The following DYRK1A variants were observed in gnomAD, a reference collection of about 807,000 sequenced individuals.
DYRK1A encodes the protein dual specificity tyrosine-phosphorylation-regulated kinase 1A.
A neutral mutation model predicts 79.7 loss-of-function variants in DYRK1A; 9 were observed. That is an observed-to-expected ratio of 0.11 (90% CI 0.07 to 0.20). DYRK1A has a LOEUF of 0.20. Among genes scored for constraint, DYRK1A ranks in the 10% least tolerant of loss-of-function variants. The probability of loss-of-function intolerance (pLI) is 1.00; values close to 1 mark genes in which losing one functional copy is unlikely to be tolerated. For missense variants in DYRK1A, 622 were observed against 956.0 expected (o/e 0.65, Z 4.61); for synonymous variants, 349 against 329.7 (o/e 1.06, Z -0.63).
At chr21:37,500,340 A>G (rs945640491) in intron 9 of DYRK1A, among the ~76,000 whole-genome samples, 1 of 152,176 alleles carries the variant, frequency 6.6e-6, no homozygotes, top group Non-Finnish European at 1.5e-5. Context: ...TTGATATACT[A>G]TTCCCTTATA....
chr21:37,505,492 T>A lies in DYRK1A; in HGVS notation c.1422T>A (p.Ala474=). 1 of 1,614,106 alleles carries A rather than the reference T, an allele frequency of 6.2e-7. No individual in the cohort carries two copies. Among genetic ancestry groups the A allele is most frequent in the Non-Finnish European group, 8.5e-7 (1 of 1,180,038 alleles). ...AGCACAGTTTCTTCAAGAAAACAGC[T>A]GATGAAGGTACAAATACAAGTAATA... ...ALQHSFFKKT[A]DEGTNTSNSV... is the part of the protein sequence containing the mutation. The change falls in exon 10 of 12, where the codon GCT becomes GCA. Residue 474 remains alanine, a synonymous_variant. Coordinates refer to ENST00000647188, the MANE Select transcript of DYRK1A (RefSeq NM_001347721.2).
chr21:37,411,239 C>T (rs544744731), intron 1 of DYRK1A, among the ~76,000 whole-genome samples: 1 of 151,608 alleles, frequency 6.6e-6, no homozygotes, highest in Admixed American at 6.6e-5. Flanking sequence ...GCATATAATC[C>T]CAGCTACTCA....
chr21:37,504,094 C>G (rs759078880), intron 9 of DYRK1A: 1 of 152,230 alleles, frequency 6.6e-6, no homozygotes, highest in Non-Finnish European at 1.5e-5. Context: ...TGTAGCTTAG[C>G]TGACTCTGGG....
At chr21:37,383,292 C>T (rs922163321) in intron 1 of DYRK1A, among the ~76,000 whole-genome samples, 2 of 152,222 alleles carry the variant, frequency 1.3e-5, no homozygotes, top group Admixed American at 6.5e-5. Flanking sequence ...GTATAAGTTG[C>T]AGTGACTGAG....
At position 37,434,808 on chromosome 21, in the gene DYRK1A, A is replaced by C. The variant is rs2050877269; in HGVS notation, c.10+14424A>C. ...ACTTCAGTGAGCCACGCTTTCTGTT[A>C]TGCCCACCTCTTTAGTCTTTCCATT... On this transcript the variant is annotated intron_variant, in intron 2 of 11. Coordinates refer to ENST00000647188, the MANE Select transcript of DYRK1A (RefSeq NM_001347721.2). Among the ~76,000 whole-genome samples the C allele has an allele frequency of 2.0e-5, 3 of 152,194 alleles. No individual in the cohort carries two copies. In the South Asian group the frequency reaches 6.2e-4, roughly 31 times the overall value.
intron 2 of DYRK1A, among the ~76,000 whole-genome samples, chr21:37,461,683 T>C (rs951281292): frequency 1.3e-5 from 2 of 152,166 alleles, no homozygotes; most frequent in African/African-American, 2.4e-5. Flanking sequence ...ATTTTCATCA[T>C]TTAAAGATGT....
intron 9 of DYRK1A, chr21:37,503,502 G>T (rs2148645499): frequency 6.6e-6 from 1 of 152,246 alleles, no homozygotes; most frequent in South Asian, 2.1e-4. Flanking sequence ...GCTGATTACA[G>T]CCTTGACTTC....
At chr21:37,369,394 A>G (rs2049384563) in intron 1 of DYRK1A, among the ~76,000 whole-genome samples, 1 of 152,238 alleles carries the variant, frequency 6.6e-6, no homozygotes, top group Non-Finnish European at 1.5e-5. Flanking sequence ...CTGGTTATGA[A>G]AAAAGCTTAC....
chr21:37,404,187 G>A (rs2050108593), intron 1 of DYRK1A, among the ~76,000 whole-genome samples: 1 of 152,200 alleles, frequency 6.6e-6, no homozygotes, highest in Non-Finnish European at 1.5e-5. Context: ...ATAAATTGAT[G>A]TAAGGAATTG....
At chr21:37,366,482 C>G (rs1389962813), upstream of DYRK1A, among the ~76,000 whole-genome samples, 21 of 149,350 alleles carry the variant, frequency 1.4e-4, no homozygotes, top group Admixed American at 1.4e-3. Context: ...CCCCCCCTTC[C>G]CCAGCCCCTA....
chr21:37,419,775 A>T (rs2835729), intron 1 of DYRK1A: 29,010 of 152,146 alleles, frequency 0.19, 3,009 homozygotes, highest in East Asian at 0.36. Context: ...AATAAGAGAA[A>T]CCACTTGGAG....
chr21:37,486,432 TAATG>T, intron 5 of DYRK1A, 31 bp from the exon 6 acceptor site: 31 of 1,403,522 alleles, frequency 2.2e-5, no homozygotes, highest in Non-Finnish European at 2.9e-5. Flanking sequence ...TTTTTGCAAT[TAATG>T]AAATAGAGAA....
At chr21:37,415,181 G>C (rs1426347419) in intron 1 of DYRK1A, among the ~76,000 whole-genome samples, 1 of 152,146 alleles carries the variant, frequency 6.6e-6, no homozygotes, top group Non-Finnish European at 1.5e-5. Flanking sequence ...TGATGGTTGA[G>C]ATAGCCAAAA....
intron 1 of DYRK1A, among the ~76,000 whole-genome samples, chr21:37,369,273 A>G (rs2049381993): frequency 6.6e-6 from 1 of 152,202 alleles, no homozygotes. Context: ...TCATGTCTTG[A>G]TCAGTTACTT....
chr21:37,506,132 C>G lies in DYRK1A; in HGVS notation c.1553C>G (p.Ala518Gly), dbSNP rs144436209. The change falls in exon 11 of 12, where the codon GCC (alanine) becomes GGC (glycine). Residue 518 changes from alanine (A) to glycine (G), a missense_variant. Physicochemically the swap from Ala to Gly is moderately conservative, Grantham distance 60. Transcript: ENST00000647188. ...GSSGTSNSGR[A>G]RSDPTHQHRH... Reference sequence around the variant, plus strand: ...TCGGGGACAAGCAACAGTGGGAGAGCCCGGTCGGATCCGACGCACCAGCAT... The same window carrying G: ...TCGGGGACAAGCAACAGTGGGAGAGGCCGGTCGGATCCGACGCACCAGCAT... 3.1e-6 allele frequency: 5 copies of G among 1,613,726 alleles called. No homozygotes were observed. The highest frequency in any genetic ancestry group is 8.5e-7 in the Non-Finnish European group (1 of 1,179,666).
At chr21:37,377,163 A>G (rs1379493187) in intron 1 of DYRK1A, among the ~76,000 whole-genome samples, 1 of 152,166 alleles carries the variant, frequency 6.6e-6, no homozygotes, top group African/African-American at 2.4e-5. Context: ...TCTTTCCCCA[A>G]GGCTGGAGTG....
chr21:37,387,262 A>G (rs2148380116), intron 1 of DYRK1A, among the ~76,000 whole-genome samples: 1 of 152,288 alleles, frequency 6.6e-6, no homozygotes, highest in South Asian at 2.1e-4. Context: ...CACCTATCAC[A>G]CTTTTTTCTT....
chr21:37,372,469 G>A (rs1310840623), intron 1 of DYRK1A, among the ~76,000 whole-genome samples: 1 of 149,750 alleles, frequency 6.7e-6, no homozygotes, highest in Non-Finnish European at 1.5e-5. Context: ...AAAAAGGTTT[G>A]AACTGTGACA....
At chr21:37,409,701 A>G (rs1460547024) in intron 1 of DYRK1A, among the ~76,000 whole-genome samples, 1 of 152,182 alleles carries the variant, frequency 6.6e-6, no homozygotes, top group African/African-American at 2.4e-5. Flanking sequence ...GTAATTACTC[A>G]GAATTTTATT....
Sources: gnomAD v4.1 joint callset for allele counts (sites outside exome capture counted in the v4.1 genomes callset) on GRCh38, gnomAD v4.1.1 for gene constraint, MANE v1.5 for transcripts, NCBI Gene and HGNC (gene_info 2026-07-23, HGNC 2026-07-21) for gene names.